The following PIEZO2 variants were observed in gnomAD, a reference collection of about 807,000 sequenced individuals.
PIEZO2 encodes the protein piezo type mechanosensitive ion channel component 2.
In PIEZO2, 172 loss-of-function variants were observed where a neutral mutation model predicts 337.3. That is an observed-to-expected ratio of 0.51 (90% CI 0.45 to 0.58). The LOEUF (loss-of-function observed/expected upper bound fraction) is 0.58. Among genes scored for constraint, PIEZO2 ranks in the 20% least tolerant of loss-of-function variants. The probability of loss-of-function intolerance (pLI) is 0.00; values close to 1 mark genes in which losing one functional copy is unlikely to be tolerated. For missense variants in PIEZO2, 3,028 were observed against 3,391.3 expected, an observed-to-expected ratio of 0.89 and a Z score of 2.66; for synonymous variants, 1,251 against 1,228.5, an observed-to-expected ratio of 1.02 and a Z score of -0.38.
At chr18:10,986,953 C>T (rs952341116) in intron 2 of PIEZO2, among the ~76,000 whole-genome samples, 1 of 151,828 alleles carries the variant, frequency 6.6e-6, no homozygotes, top group Non-Finnish European at 1.5e-5. Flanking sequence ...AACAAAACGA[C>T]TTACAATAGC....
Position 10,787,195 on chromosome 18 carries a change from G to T in PIEZO2, c.2170-11C>A. On this transcript the variant is annotated splice_polypyrimidine_tract_variant and intron_variant, in intron 15 of 55. Coordinates refer to ENST00000674853, the MANE Select transcript of PIEZO2 (RefSeq NM_001378183.1). ...CCATTCATAGTGCACCTGCAAATCA[G>T]ACATTGAAAAAAAAAAATGAGAAAA... 6.9e-7 allele frequency: 1 copy of T among 1,456,454 alleles called. No homozygotes were observed. Among genetic ancestry groups the T allele is most frequent in the Non-Finnish European group, 9.0e-7 (1 of 1,112,584 alleles). 90.2% of individuals were successfully genotyped at this position (1,456,454 alleles called of 1,614,324 possible).
At chr18:11,136,636 G>C (rs997186965) in intron 1 of PIEZO2, among the ~76,000 whole-genome samples, 1 of 152,330 alleles carries the variant, frequency 6.6e-6, no homozygotes, top group South Asian at 2.1e-4. Flanking sequence ...GGAAACCAGT[G>C]TTTAGTTTGA....
In PIEZO2 at chr18:10,742,539, C is replaced by G; in HGVS notation, c.4591G>C (p.Gly1531Arg). The G allele has an allele frequency of 6.5e-7, 1 of 1,537,218 alleles. No individual in the cohort carries two copies. The highest frequency in any genetic ancestry group is 8.7e-7 in the Non-Finnish European group (1 of 1,146,892). ...AGTTTTTGCATGTCCTGGCCTTCCCCTGGCTCCTGGGTCAAGCTCAGCATC... is the reference window on the plus strand; with the variant it reads ...AGTTTTTGCATGTCCTGGCCTTCCCGTGGCTCCTGGGTCAAGCTCAGCATC... ...ERMLSLTQEP[G>R]EGQDMQKLSE... Residue 1531 changes from glycine to arginine, a missense_variant, in exon 32 of 56, where the codon GGG (glycine) becomes CGG (arginine). Gly to Arg is a moderately radical substitution (Grantham distance 125, BLOSUM62 -2). Around this residue, in one of 5 missense-constraint regions of PIEZO2, gnomAD observed 1,925 missense variants for 2,051.9 expected, o/e 0.94. Transcript: ENST00000674853.
intron 5 of PIEZO2, among the ~76,000 whole-genome samples, chr18:10,868,078 A>C (rs937178403): frequency 6.6e-6 from 1 of 152,228 alleles, no homozygotes; most frequent in Non-Finnish European, 1.5e-5. Flanking sequence ...TTAAAACACC[A>C]AACTTGAGCC....
Position 10,954,543 on chromosome 18 carries a change from T to G in PIEZO2, c.286+24992A>C, listed in dbSNP as rs906014177. 3.9e-5 allele frequency among the ~76,000 whole-genome samples: 6 copies of G among 152,216 alleles called. No individual in the cohort carries two copies. Among genetic ancestry groups the G allele is most frequent in the Non-Finnish European group, 5.9e-5 (4 of 68,038 alleles). On this transcript the variant is annotated intron_variant, in intron 3 of 55. Transcript: ENST00000674853. This position sits in a 1 kb window ranked among gnomAD's most constrained non-coding sequence, Gnocchi z 4.2. ...TTTTTGAAATATTCTACATTGATGG[T>G]GTCTCTGCATATTTATGTGGGTAAG...
Position 10,824,303 on chromosome 18 carries a change from G to C in PIEZO2, c.918-17029C>G, listed in dbSNP as rs1031570629. Among the ~76,000 whole-genome samples the C allele has an allele frequency of 4.6e-5, 7 of 152,154 alleles. No homozygotes were observed. Among genetic ancestry groups the C allele is most frequent in the African/African-American group, 1.7e-4 (7 of 41,438 alleles). ...AAAGGCAACAAGAAGGTGATATAAA[G>C]GCCTTCAAGACCTTAATATTTGCAG... On this transcript the variant is annotated intron_variant, in intron 7 of 55. Coordinates refer to ENST00000674853, the MANE Select transcript of PIEZO2 (RefSeq NM_001378183.1). This position sits in a 1 kb window ranked among gnomAD's most constrained non-coding sequence, Gnocchi z 4.4.
chr18:11,106,997 T>C (rs575218363), intron 1 of PIEZO2, among the ~76,000 whole-genome samples: 3 of 152,284 alleles, frequency 2.0e-5, no homozygotes, highest in Middle Eastern at 3.4e-3. Flanking sequence ...GACTAGGAAC[T>C]AAGCAAAGCT....
intron 2 of PIEZO2, among the ~76,000 whole-genome samples, chr18:11,012,588 A>AT (rs749775144): frequency 3.5e-4 from 53 of 151,866 alleles, no homozygotes; most frequent in African/African-American, 8.4e-4. Flanking sequence ...ATTTCGATTG[A>AT]TTTTTTTTTA....
At chr18:10,730,130 A>G (rs565094803) in intron 36 of PIEZO2, among the ~76,000 whole-genome samples, 1 of 152,318 alleles carries the variant, frequency 6.6e-6, no homozygotes, top group East Asian at 1.9e-4. Flanking sequence ...CGTGGGACTG[A>G]TCTGTACTAT....
intron 1 of PIEZO2, among the ~76,000 whole-genome samples, chr18:11,076,198 C>T (rs573705594): frequency 1.4e-4 from 21 of 152,276 alleles, no homozygotes; most frequent in African/African-American, 4.6e-4. Context: ...GTCAGCACAA[C>T]GCTGAACTGA....
rs1428887616 is a variant in PIEZO2 at position 11,047,200 on chromosome 18, C to T, written c.160+18927G>A. 1.3e-5 allele frequency among the ~76,000 whole-genome samples: 2 copies of T among 152,178 alleles called. No individual in the cohort carries two copies. Among genetic ancestry groups the T allele is most frequent in the African/African-American group, 2.4e-5 (1 of 41,440 alleles). On this transcript the variant is annotated intron_variant, in intron 2 of 55. Coordinates refer to ENST00000674853, the MANE Select transcript of PIEZO2 (RefSeq NM_001378183.1). The surrounding 1 kb of genome is among the most constrained non-coding windows in gnomAD (Gnocchi z 7.2). ...TGCATGGTACCTCCCACCACTGCTG[C>T]CCTTGCTCTCAGAGAATGGACGCAA...
At position 10,750,282 on chromosome 18, in the gene PIEZO2, C is replaced by T. The variant is rs1359825492; in HGVS notation, c.4168-95G>A. ...CAACATGTGCAAGAATTCACAAGGT[C>T]TCAGTGATAAGGATTCCAGGAGATG... On this transcript the variant is annotated intron_variant, in intron 28 of 55. Coordinates refer to ENST00000674853, the MANE Select transcript of PIEZO2 (RefSeq NM_001378183.1). The surrounding 1 kb of genome is among the most constrained non-coding windows in gnomAD (Gnocchi z 4.1). 7 of 894,348 alleles carry T rather than the reference C, an allele frequency of 7.8e-6. No homozygotes were observed. The East Asian group carries it at 1.9e-4, about 24-fold the overall frequency. 55.4% of individuals were successfully genotyped at this position (894,348 alleles called of 1,614,324 possible). A position where few individuals can be genotyped will look rare whatever the true frequency, so the allele number is the denominator to read the frequency against.
At chr18:11,010,349 G>GT (rs2035851848) in intron 2 of PIEZO2, among the ~76,000 whole-genome samples, 1 of 152,308 alleles carries the variant, frequency 6.6e-6, no homozygotes, top group African/African-American at 2.4e-5. Flanking sequence ...CAGGGTCCCT[G>GT]TGAGCAGATG....
rs2036986449 is a variant in PIEZO2 at position 11,038,084 on chromosome 18, GT to G, written c.160+28042del. On this transcript the variant is annotated intron_variant, in intron 2 of 55. Coordinates refer to ENST00000674853, the MANE Select transcript of PIEZO2 (RefSeq NM_001378183.1). This position sits in a 1 kb window ranked among gnomAD's most constrained non-coding sequence, Gnocchi z 4.1. The stretch of plus-strand genomic sequence containing the variant: ...AGATAAGAAGGAGGAAGTCACACTT[GT>G]TTTTCATTGGCTCAAAACATTGTAA... Among the ~76,000 whole-genome samples the G allele has an allele frequency of 6.6e-6, 1 of 152,124 alleles. No individual in the cohort carries two copies. Among genetic ancestry groups the G allele is most frequent in the African/African-American group, 2.4e-5 (1 of 41,442 alleles).
chr18:10,702,884 C>T (rs189430350), intron 42 of PIEZO2, among the ~76,000 whole-genome samples: 32 of 152,266 alleles, frequency 2.1e-4, no homozygotes, highest in African/African-American at 7.5e-4. Flanking sequence ...GAGATGAGGT[C>T]TCAACCTCTT....
chr18:10,960,832 G>C (rs144469213), intron 3 of PIEZO2, among the ~76,000 whole-genome samples: 67 of 152,248 alleles, frequency 4.4e-4, no homozygotes, highest in African/African-American at 1.5e-3. Flanking sequence ...TCTAAATGAA[G>C]AGACTGGACT....
At chr18:10,768,460 G>T (rs1486155467) in intron 21 of PIEZO2, among the ~76,000 whole-genome samples, 1 of 152,178 alleles carries the variant, frequency 6.6e-6, no homozygotes, top group East Asian at 1.9e-4. Flanking sequence ...AGAGACCAAA[G>T]CTTCAGGGCC....
At position 10,929,053 on chromosome 18, in the gene PIEZO2, G is replaced by A. The variant is rs2031928246; in HGVS notation, c.287-17825C>T. On this transcript the variant is annotated intron_variant, in intron 3 of 55. Coordinates refer to ENST00000674853, the MANE Select transcript of PIEZO2 (RefSeq NM_001378183.1). The surrounding 1 kb of genome is among the most constrained non-coding windows in gnomAD (Gnocchi z 5.6). ...TCACTGCTGACTCAAAATGATTTAC[G>A]GTACTTTGCTGAGGTTTTGGCTGAC... 6.6e-6 allele frequency among the ~76,000 whole-genome samples: 1 copy of A among 152,052 alleles called. No individual in the cohort carries two copies. Among genetic ancestry groups the A allele is most frequent in the Non-Finnish European group, 1.5e-5 (1 of 68,026 alleles).
chr18:10,726,652 G>T lies in PIEZO2; in HGVS notation c.5029+4755C>A. On this transcript the variant is annotated intron_variant, in intron 36 of 55. Coordinates refer to ENST00000674853, the MANE Select transcript of PIEZO2 (RefSeq NM_001378183.1). This position sits in a 1 kb window ranked among gnomAD's most constrained non-coding sequence, Gnocchi z 5.9. The stretch of plus-strand genomic sequence containing the variant: ...GGAGTACTGCGCGCGCGCCAAGCGC[G>T]GCCAGACAGACACCTCGCTGCCAAG... 1 of 1,416,510 alleles carries T rather than the reference G, an allele frequency of 7.1e-7. No homozygotes were observed. Among genetic ancestry groups the T allele is most frequent in the Non-Finnish European group, 9.6e-7 (1 of 1,041,520 alleles). 87.7% of individuals were successfully genotyped at this position (1,416,510 alleles called of 1,614,324 possible). A position where few individuals can be genotyped will look rare whatever the true frequency, so the allele number is the denominator to read the frequency against.
Sources: allele counts gnomAD v4.1 joint callset (sites outside exome capture counted in the v4.1 genomes callset), GRCh38; gene constraint gnomAD v4.1.1; regional missense constraint gnomAD v4.1.1; non-coding constraint Gnocchi (gnomAD v3.1); transcripts MANE v1.5; gene names NCBI Gene and HGNC (gene_info 2026-07-23, HGNC 2026-07-21).